The following LARP4 variants were observed in gnomAD, a reference collection of about 807,000 sequenced individuals.
The protein encoded by LARP4 is La ribonucleoprotein 4.
A neutral mutation model predicts 92.9 loss-of-function variants in LARP4; 29 were observed. That is an observed-to-expected ratio of 0.31 (90% CI 0.23 to 0.43). The LOEUF is 0.43. Ranked by LOEUF, LARP4 falls within the 20% of genes least tolerant of loss-of-function variation. LARP4 has a pLI of 1.00. For synonymous variants in LARP4, 279 were observed against 284.1 expected, an observed-to-expected ratio of 0.98 and a Z score of 0.18; for missense variants, 732 against 860.0, an observed-to-expected ratio of 0.85 and a Z score of 1.86.
chr12:50,425,096 A>G lies in LARP4; in HGVS notation c.19-2666A>G, dbSNP rs946278406. Among the ~76,000 whole-genome samples the G allele has an allele frequency of 1.3e-5, 2 of 152,108 alleles. 1 individual carries two copies. Among genetic ancestry groups the G allele is most frequent in the Admixed American group, 1.3e-4 (2 of 15,266 alleles). On this transcript the variant is annotated intron_variant, in intron 1 of 15. Transcript: ENST00000398473. ...CAGGATGAGGAGGTTGCAGTGAGCC[A>G]AGATTGCACCACTGCACTCCAGCCT...
In LARP4 at chr12:50,421,763, C is replaced by T. The variant is rs1406362777; in HGVS notation, c.19-5999C>T. ...GTCATGTTTCCTTCCCGCCTATAAC[C>T]ACATGCTTAGGTACTTCTTGCAATT... On this transcript the variant is annotated intron_variant, in intron 1 of 15. Transcript: ENST00000398473. Among the ~76,000 whole-genome samples the T allele has an allele frequency of 3.3e-5, 5 of 152,260 alleles. No individual in the cohort carries two copies. In the South Asian group the frequency reaches 6.2e-4, roughly 19 times the overall value.
chr12:50,425,317 C>T (rs1225084568), intron 1 of LARP4, among the ~76,000 whole-genome samples: 2 of 152,060 alleles, frequency 1.3e-5, no homozygotes, highest in Non-Finnish European at 2.9e-5. Context: ...ATATTGTACT[C>T]TTTGTATTTA....
rs1286866129 is a variant in LARP4, at chr12:50,401,172, G to T, written c.18+144G>T. 2.9e-5 allele frequency: 25 copies of T among 866,872 alleles called. No individual in the cohort carries two copies. The East Asian group carries it at 6.1e-4, about 21-fold the overall frequency. The allele number at this position is 866,872 out of a possible 1,614,324, so 53.7% of individuals were successfully genotyped here. A position where few individuals can be genotyped will look rare whatever the true frequency, so the allele number is the denominator to read the frequency against. The stretch of plus-strand genomic sequence containing the variant: ...CTGACACAGCACCTGGGCCGAGCAG[G>T]CCTGCAGCTTCCCTCTGCGCGCTCA... On this transcript the variant is annotated intron_variant, in intron 1 of 15. Transcript: ENST00000398473.
At chr12:50,401,435 A>G (rs1284254581) in intron 1 of LARP4, among the ~76,000 whole-genome samples, 3 of 152,158 alleles carry the variant, frequency 2.0e-5, no homozygotes, top group Non-Finnish European at 4.4e-5. Flanking sequence ...TCTGGGAGGG[A>G]GGCGAGCAAC....
rs530880012 is a variant in LARP4, at chr12:50,450,574, GAA to G, written c.805-2880_805-2879del. Among the ~76,000 whole-genome samples, 10 of 151,696 alleles carry G rather than the reference GAA, an allele frequency of 6.6e-5. No homozygotes were observed. In the South Asian group the frequency reaches 2.1e-3, roughly 32 times the overall value. On this transcript the variant is annotated intron_variant, in intron 8 of 15. Coordinates refer to ENST00000398473, the MANE Select transcript of LARP4 (RefSeq NM_052879.5). ...TCCTTTTTCCCATATGAAAATCTCG[GAA>G]AAAAATCCGCCTCCTGGGTTCAAGC... is the stretch of plus-strand genomic sequence containing the variant.
chr12:50,474,248 G>C, intron 15 of LARP4, 81 bp downstream of exon 15: 1 of 1,113,894 alleles, frequency 9.0e-7, no homozygotes, highest in Admixed American at 2.3e-5. Context: ...CACTTTGTTA[G>C]AACAGAGTCA....
intron 11 of LARP4, 55 bp downstream of exon 11, chr12:50,461,402 A>G: frequency 6.9e-6 from 10 of 1,445,770 alleles, no homozygotes; most frequent in Non-Finnish European, 9.6e-6. Context: ...ATCCTGAATA[A>G]TTGAAGAACA....
intron 1 of LARP4, among the ~76,000 whole-genome samples, chr12:50,404,746 G>A (rs1209223502): frequency 5.0e-5 from 7 of 138,644 alleles, no homozygotes; most frequent in African/African-American, 1.3e-4. Context: ...CTGGAGTGCA[G>A]TGGCGCCATC....
intron 1 of LARP4, among the ~76,000 whole-genome samples, chr12:50,422,462 A>G (rs903847259): frequency 6.6e-6 from 1 of 152,168 alleles, no homozygotes; most frequent in African/African-American, 2.4e-5. Flanking sequence ...ATTTTTGCAC[A>G]TTTTAACTTT....
chr12:50,421,228 C>T (rs1185225359), intron 1 of LARP4: 8 of 971,854 alleles, frequency 8.2e-6, no homozygotes, highest in African/African-American at 5.3e-5. Context: ...TGATTACAGG[C>T]GTGAGCCACC....
At chr12:50,440,048 CAG>C (rs1454754729) in intron 6 of LARP4, among the ~76,000 whole-genome samples, 3 of 152,194 alleles carry the variant, frequency 2.0e-5, no homozygotes, top group African/African-American at 2.4e-5. Flanking sequence ...AGGAAAAGGA[CAG>C]GGGAGATTTC....
intron 3 of LARP4, 90 bp from the exon 4 acceptor site, chr12:50,430,405 T>C: frequency 4.5e-6 from 3 of 672,188 alleles, no homozygotes; most frequent in Non-Finnish European, 7.9e-6. Context: ...TTGTAGATAC[T>C]TTGTGGCTTC....
intron 7 of LARP4, among the ~76,000 whole-genome samples, chr12:50,440,923 G>A (rs543531056): frequency 3.4e-5 from 5 of 148,196 alleles, no homozygotes; most frequent in African/African-American, 1.0e-4. Context: ...TCACTCTGTC[G>A]CCCGGGCTGG....
intron 1 of LARP4, among the ~76,000 whole-genome samples, chr12:50,419,934 A>G (rs908747518): frequency 6.6e-4 from 100 of 152,332 alleles, no homozygotes; most frequent in African/African-American, 2.4e-3. Context: ...ATAATCTTTA[A>G]TAAAATTCTT....
chr12:50,414,541 G>A (rs563680893), intron 1 of LARP4, among the ~76,000 whole-genome samples: 1 of 152,270 alleles, frequency 6.6e-6, no homozygotes, highest in South Asian at 2.1e-4. Flanking sequence ...TGGGTTAGGC[G>A]ATCCCTCAGC....
chr12:50,445,293 GT>G (rs1421734561), intron 8 of LARP4, among the ~76,000 whole-genome samples: 1 of 152,088 alleles, frequency 6.6e-6, no homozygotes, highest in African/African-American at 2.4e-5. Flanking sequence ...CTGGACTCTT[GT>G]TTCTGATGAG....
At chr12:50,424,569 G>A (rs964015560) in intron 1 of LARP4, among the ~76,000 whole-genome samples, 1 of 151,840 alleles carries the variant, frequency 6.6e-6, no homozygotes, top group South Asian at 2.1e-4. Context: ...TGTTGGTCAG[G>A]CTGGTCTCGA....
At chr12:50,459,156 G>A (rs960562590) in intron 10 of LARP4, among the ~76,000 whole-genome samples, 1 of 152,074 alleles carries the variant, frequency 6.6e-6, no homozygotes, top group African/African-American at 2.4e-5. Context: ...TTGCCACCAT[G>A]CCAGGCTAAT....
At chr12:50,422,808 T>A (rs1277924439) in intron 1 of LARP4, among the ~76,000 whole-genome samples, 7 of 143,364 alleles carry the variant, frequency 4.9e-5, no homozygotes, top group Middle Eastern at 3.6e-3. Flanking sequence ...ATTATTATTA[T>A]TATTATTATT....
Sources: gnomAD v4.1 joint callset for allele counts (sites outside exome capture counted in the v4.1 genomes callset) on GRCh38, gnomAD v4.1.1 for gene constraint, MANE v1.5 for transcripts, NCBI Gene and HGNC (gene_info 2026-07-23, HGNC 2026-07-21) for gene names.